The following NACC2 variants were observed in gnomAD, a reference collection of about 807,000 sequenced individuals.
The protein encoded by NACC2 is nucleus accumbens-associated protein 2.
A neutral mutation model predicts 25.1 loss-of-function variants in NACC2; 8 were observed. That is an observed-to-expected ratio of 0.32 (90% CI 0.19 to 0.57). The LOEUF (loss-of-function observed/expected upper bound fraction) is 0.57, where lower values mean the gene tolerates loss of function less well. Among genes scored for constraint, NACC2 ranks in the 20% least tolerant of loss-of-function variants. The pLI is 0.89. For synonymous variants in NACC2, 435 were observed against 294.7 expected (o/e 1.48, Z -4.88); for missense variants, 644 against 650.2 (o/e 0.99, Z 0.10).
chr9:136,013,823 G>GCAGCTCCATTGTGCCCTC lies in NACC2; in HGVS notation c.1157+23_1157+40dup. ...ATAGCTAAAGGAGCCAGAACCCTCCGCAGCTCCATTGTGCCCTCCAGCACT... is the reference window on the plus strand; with the variant it reads ...ATAGCTAAAGGAGCCAGAACCCTCCGCAGCTCCATTGTGCCCTCCAGCTCCATTGTGCCCTCCAGCACT... On this transcript the variant is annotated intron_variant, in intron 4 of 5. Transcript: ENST00000277554. The surrounding 1 kb of genome is among the most constrained non-coding windows in gnomAD (Gnocchi z 6.6). 1 of 1,548,406 alleles carries GCAGCTCCATTGTGCCCTC rather than the reference G, an allele frequency of 6.5e-7. No individual in the cohort carries two copies. Among genetic ancestry groups the GCAGCTCCATTGTGCCCTC allele is most frequent in the Non-Finnish European group, 8.9e-7 (1 of 1,124,542 alleles).
chr9:136,066,639 C>T (rs1841085239), intron 1 of NACC2, among the ~76,000 whole-genome samples: 2 of 152,164 alleles, frequency 1.3e-5, no homozygotes, highest in Non-Finnish European at 2.9e-5. Flanking sequence ...CCTAGGTATG[C>T]AGCCAAGAGA....
intron 2 of NACC2, 72 bp from the exon 3 acceptor site, chr9:136,016,501 C>T: frequency 4.4e-6 from 7 of 1,575,192 alleles, no homozygotes; most frequent in East Asian, 2.2e-5. Flanking sequence ...GCCCGCCTGC[C>T]CTCCATGCTC....
At position 136,016,162 on chromosome 9, in the gene NACC2, T is replaced by G. The variant is rs901034975; in HGVS notation, c.1051+103A>C. The G allele has an allele frequency of 1.2e-5, 16 of 1,289,426 alleles. No individual in the cohort carries two copies. In the African/African-American group the frequency reaches 2.1e-4, roughly 17 times the overall value. The allele number at this position is 1,289,426 out of a possible 1,614,324, so 79.9% of individuals were successfully genotyped here. ...TAGAGGAAATTTAAGATTTTTTTTT[T>G]GACTGATTGGTGATGAGTACATTGT... is the stretch of plus-strand genomic sequence containing the variant. On this transcript the variant is annotated intron_variant, in intron 3 of 5. Transcript: ENST00000277554.
chr9:136,037,336 G>A lies in NACC2; in HGVS notation c.886+12300C>T, dbSNP rs903431674. On this transcript the variant is annotated intron_variant, in intron 2 of 5. Transcript: ENST00000277554. ...CCTCCCGGGTTCAAGCGATTCTCCT[G>A]CCTCAGCCTCCCGAGTAGCTGGAAC... Among the ~76,000 whole-genome samples, 530 of 152,012 alleles carry A rather than the reference G, an allele frequency of 3.5e-3. 4 individuals are homozygous for A. Among genetic ancestry groups the A allele is most frequent in the African/African-American group, 0.012 (495 of 41,446 alleles).
At chr9:136,041,959 A>C (rs1181892152) in intron 2 of NACC2, among the ~76,000 whole-genome samples, 2 of 152,170 alleles carry the variant, frequency 1.3e-5, no homozygotes, top group Non-Finnish European at 2.9e-5. Flanking sequence ...TTAGTTAGAG[A>C]TCAGCAAACA....
At chr9:136,053,775 G>C (rs1481599268) in intron 1 of NACC2, among the ~76,000 whole-genome samples, 1 of 152,236 alleles carries the variant, frequency 6.6e-6, no homozygotes, top group Admixed American at 6.5e-5. Flanking sequence ...AGGGATGTCT[G>C]AGTCATACAG....
At chr9:136,036,948 G>C (rs1840562943) in intron 2 of NACC2, among the ~76,000 whole-genome samples, 1 of 152,292 alleles carries the variant, frequency 6.6e-6, no homozygotes, top group South Asian at 2.1e-4. Flanking sequence ...GCATCTAATA[G>C]TCAAATTACT....
At chr9:136,039,664 G>A (rs1840600545) in intron 2 of NACC2, among the ~76,000 whole-genome samples, 2 of 151,932 alleles carry the variant, frequency 1.3e-5, no homozygotes, top group Admixed American at 1.3e-4. Context: ...ATGCAAGGGT[G>A]GTTCAATACT....
intron 1 of NACC2, among the ~76,000 whole-genome samples, chr9:136,085,650 T>G (rs1830371911): frequency 6.6e-6 from 1 of 152,224 alleles, no homozygotes; most frequent in Admixed American, 6.5e-5. Context: ...CGGGCAGCCC[T>G]CTGCCCACAC....
At chr9:136,058,916 C>T (rs923977866) in intron 1 of NACC2, among the ~76,000 whole-genome samples, 1 of 152,212 alleles carries the variant, frequency 6.6e-6, no homozygotes, top group African/African-American at 2.4e-5. Flanking sequence ...CCACCCCACC[C>T]CAGTGGATAG....
chr9:136,041,954 T>C (rs1383288734), intron 2 of NACC2, among the ~76,000 whole-genome samples: 5 of 152,288 alleles, frequency 3.3e-5, no homozygotes, highest in Middle Eastern at 3.4e-3. Flanking sequence ...ATCTTTTAGT[T>C]AGAGATCAGC....
Position 136,055,195 on chromosome 9 carries a change from G to A in NACC2, c.-59-4615C>T, listed in dbSNP as rs559643300. Among the ~76,000 whole-genome samples the A allele has an allele frequency of 2.6e-5, 4 of 152,244 alleles. No individual in the cohort carries two copies. Among genetic ancestry groups the A allele is most frequent in the African/African-American group, 7.2e-5 (3 of 41,550 alleles). On this transcript the variant is annotated intron_variant, in intron 1 of 5. Transcript: ENST00000277554. The surrounding 1 kb of genome is among the most constrained non-coding windows in gnomAD (Gnocchi z 4.9). ...ACCTGCCGATGGGTGAGAGGAGCCCGCGGGGAGGACAGGGGCTCACTGGAA... is the reference window on the plus strand; with the variant it reads ...ACCTGCCGATGGGTGAGAGGAGCCCACGGGGAGGACAGGGGCTCACTGGAA...
chr9:136,065,210 G>A (rs1356320874), intron 1 of NACC2, among the ~76,000 whole-genome samples: 1 of 152,196 alleles, frequency 6.6e-6, no homozygotes, highest in Admixed American at 6.5e-5. Context: ...ACCAGACCAG[G>A]TGAGGTGGCT....
Position 136,016,245 on chromosome 9 carries a change from T to G in NACC2, c.1051+20A>C. The G allele has an allele frequency of 6.2e-7, 1 of 1,611,980 alleles. No individual in the cohort carries two copies. On this transcript the variant is annotated intron_variant, in intron 3 of 5. Transcript: ENST00000277554. Reference sequence around the variant, plus strand: ...AATGAGGACATTTGCATACAATAGATGGGTGGGAGGCAGCCTCACCTGCCA... The same window carrying G: ...AATGAGGACATTTGCATACAATAGAGGGGTGGGAGGCAGCCTCACCTGCCA...
At chr9:136,047,745 CG>C (rs1211653021) in intron 2 of NACC2, among the ~76,000 whole-genome samples, 1 of 152,298 alleles carries the variant, frequency 6.6e-6, no homozygotes, top group East Asian at 1.9e-4. Flanking sequence ...TTCCTGGCTG[CG>C]GTCCTGCTGA....
intron 2 of NACC2, among the ~76,000 whole-genome samples, chr9:136,046,029 G>A (rs1840718727): frequency 6.6e-6 from 1 of 152,212 alleles, no homozygotes; most frequent in Non-Finnish European, 1.5e-5. Flanking sequence ...GCACCCTGGG[G>A]GAATGAAGGC....
At chr9:136,054,999 G>C (rs1372511840) in intron 1 of NACC2, among the ~76,000 whole-genome samples, 1 of 152,078 alleles carries the variant, frequency 6.6e-6, no homozygotes, top group African/African-American at 2.4e-5. Flanking sequence ...AGAGGAGGCT[G>C]GGTTCCTCTG....
At chr9:136,042,731 GAC>G (rs1173789683) in intron 2 of NACC2, among the ~76,000 whole-genome samples, 4 of 144,702 alleles carry the variant, frequency 2.8e-5, no homozygotes, top group South Asian at 2.2e-4. Flanking sequence ...CACAGACACA[GAC>G]ACACACAGAC....
chr9:136,050,590 G>A lies in NACC2; in HGVS notation c.-59-10C>T, dbSNP rs1436992575. 4 of 712,178 alleles carry A rather than the reference G, an allele frequency of 5.6e-6. No homozygotes were observed. The highest frequency in any genetic ancestry group is 2.6e-5 in the East Asian group (1 of 37,966). 44.1% of individuals were successfully genotyped at this position (712,178 alleles called of 1,614,324 possible). On this transcript the variant is annotated splice_polypyrimidine_tract_variant and intron_variant, in intron 1 of 5. Coordinates refer to ENST00000277554, the MANE Select transcript of NACC2 (RefSeq NM_144653.5). ...CCCTAGCGGGGCTCATCTGTGGGGG[G>A]CAGGAGGCACGTGGTCAGTTCCTCC...
Sources: allele counts gnomAD v4.1 joint callset (sites outside exome capture counted in the v4.1 genomes callset), GRCh38; gene constraint gnomAD v4.1.1; non-coding constraint Gnocchi (gnomAD v3.1); transcripts MANE v1.5; gene names NCBI Gene and HGNC (gene_info 2026-07-23, HGNC 2026-07-21).